Variants in HMCN1 observed in about 807,000 individuals in gnomAD.
The protein encoded by HMCN1 is hemicentin-1.
HMCN1 carries 321 observed loss-of-function variants against 625.9 expected under a neutral mutation model. That is an observed-to-expected ratio of 0.51 (90% CI 0.47 to 0.56). The LOEUF is 0.56. Ranked by LOEUF, HMCN1 falls within the 20% of genes least tolerant of loss-of-function variation. The pLI, the probability that HMCN1 is intolerant of heterozygous loss-of-function variation, is 0.00. For missense variants in HMCN1, 6,588 were observed against 6,887.3 expected (o/e 0.96, Z 1.54); for synonymous variants, 2,425 against 2,417.6 (o/e 1.00, Z -0.09).
At chr1:185,749,557 TCTTA>T (rs1378119860) in intron 1 of HMCN1, among the ~76,000 whole-genome samples, 5 of 152,166 alleles carry the variant, frequency 3.3e-5, no homozygotes, top group Non-Finnish European at 2.9e-5. Flanking sequence ...CACCACATTT[TCTTA>T]CTTATTTGGG....
chr1:185,783,238 C>G (rs1046554722), intron 1 of HMCN1, among the ~76,000 whole-genome samples: 49 of 152,158 alleles, frequency 3.2e-4, no homozygotes, highest in African/African-American at 1.2e-3. Flanking sequence ...ATTCTAGTTA[C>G]CCATTCATCT....
intron 10 of HMCN1, 75 bp from the exon 11 acceptor site, chr1:185,933,474 A>T: frequency 7.0e-7 from 1 of 1,434,662 alleles, no homozygotes; most frequent in Non-Finnish European, 9.8e-7. Context: ...ATACTTATTC[A>T]GTTTTTAAAC....
chr1:186,009,416 G>T (rs769842625), intron 30 of HMCN1, among the ~76,000 whole-genome samples: 3 of 151,966 alleles, frequency 2.0e-5, no homozygotes, highest in Non-Finnish European at 2.9e-5. Flanking sequence ...TTCCTCTTTA[G>T]CAATGCTCGC....
At chr1:185,893,959 T>C (rs1571518287) in intron 4 of HMCN1, among the ~76,000 whole-genome samples, 2 of 152,050 alleles carry the variant, frequency 1.3e-5, no homozygotes, top group South Asian at 4.2e-4. Flanking sequence ...CATTATACTG[T>C]CATCAAAAAA....
At chr1:186,045,927 C>T (rs1210508050) in intron 41 of HMCN1, 64 bp downstream of exon 41, 9 of 1,180,952 alleles carry the variant, frequency 7.6e-6, no homozygotes, top group Non-Finnish European at 8.8e-6. Context: ...TGGTATTACC[C>T]TATTTAGCGT....
chr1:186,122,746 T>C (rs1661453953), intron 80 of HMCN1, among the ~76,000 whole-genome samples: 1 of 152,206 alleles, frequency 6.6e-6, no homozygotes, highest in Non-Finnish European at 1.5e-5. Flanking sequence ...TTAACATTTA[T>C]GGGTTAGCTA....
chr1:186,074,698 CA>C, intron 52 of HMCN1, 42 bp from the exon 53 acceptor site: 1 of 1,584,876 alleles, frequency 6.3e-7, no homozygotes, highest in Non-Finnish European at 8.7e-7. Flanking sequence ...TTAGAGGATT[CA>C]TTATAGCACT....
chr1:186,136,041 T>G (rs1452983850), intron 86 of HMCN1, among the ~76,000 whole-genome samples: 1 of 152,160 alleles, frequency 6.6e-6, no homozygotes, highest in Non-Finnish European at 1.5e-5. Flanking sequence ...CCAGGCGTGG[T>G]GGCGGGTGCC....
chr1:185,806,458 G>T (rs533632184), intron 1 of HMCN1, among the ~76,000 whole-genome samples: 270 of 151,328 alleles, frequency 1.8e-3, no homozygotes, highest in Non-Finnish European at 3.1e-3. Context: ...GAGGTAGGAG[G>T]ATTGCTTGAG....
chr1:185,985,058 A>T (rs1036952475), intron 19 of HMCN1, among the ~76,000 whole-genome samples: 1 of 152,160 alleles, frequency 6.6e-6, no homozygotes, highest in Non-Finnish European at 1.5e-5. Context: ...CTTTATTTAG[A>T]GTGTGAATTG....
Position 186,151,622 on chromosome 1 carries a change from G to C in HMCN1, c.14775G>C (p.Lys4925Asn), listed in dbSNP as rs1049279757. Residue 4925 changes from lysine (K) to asparagine (N), a missense_variant, in exon 95 of 107, where the codon AAG (lysine) becomes AAC (asparagine). This residue lies in a region of HMCN1 where 1,954 missense variants were observed against 2,013.1 expected (regional missense o/e 0.97). Transcript: ENST00000271588. ...TTTCTTTAGGTTCAGCAATGAGAAA[G>C]ATAGTTTCTATTCTAAATCCCATTT... The part of the protein sequence containing the change: ...VPRSLGSAMR[K>N]IVSILNPIYW... The C allele has an allele frequency of 6.2e-7, 1 of 1,612,652 alleles. No individual in the cohort carries two copies. The highest frequency in any genetic ancestry group is 1.3e-5 in the African/African-American group (1 of 74,974).
At chr1:185,750,096 T>C (rs950687878) in intron 1 of HMCN1, among the ~76,000 whole-genome samples, 1 of 152,230 alleles carries the variant, frequency 6.6e-6, no homozygotes, top group Non-Finnish European at 1.5e-5. Context: ...TTAGAGATGA[T>C]GTGAATTCGT....
At chr1:185,936,376 G>T in intron 11 of HMCN1, among the ~76,000 whole-genome samples, 1 of 151,806 alleles carries the variant, frequency 6.6e-6, no homozygotes, top group Non-Finnish European at 1.5e-5. Context: ...AATTTTATAT[G>T]TATTACATAT....
Position 186,128,094 on chromosome 1 carries a change from T to A in HMCN1, c.12707T>A (p.Phe4236Tyr). The stretch of plus-strand genomic sequence containing the variant: ...TAATTTTAGCTGGAGGATTCTGGCT[T>A]CTATACCTGTGTTGCTAACAATGCT... ...LENVVLEDSG[F>Y]YTCVANNAAG... Residue 4236 changes from phenylalanine (F) to tyrosine (Y), a missense_variant, in exon 83 of 107, where the codon TTC becomes TAC. Coordinates refer to ENST00000271588, the MANE Select transcript of HMCN1 (RefSeq NM_031935.3). 1 of 1,613,498 alleles carries A rather than the reference T, an allele frequency of 6.2e-7. No individual in the cohort carries two copies. The highest frequency in any genetic ancestry group is 8.5e-7 in the Non-Finnish European group (1 of 1,179,624).
rs531810579 is a variant in HMCN1, at chr1:185,951,719, A to C, written c.1829-10799A>C. Among the ~76,000 whole-genome samples, 146 of 151,360 alleles carry C rather than the reference A, an allele frequency of 9.6e-4. 2 individuals carry two copies. In the South Asian group the frequency reaches 9.8e-3, roughly 10 times the overall value. Reference sequence around the variant, plus strand: ...GTGGCTTAGGAGGAATCCCGGGCTGAGGGCATTTCTTGGCCCAGTGGCCAG... The same window carrying C: ...GTGGCTTAGGAGGAATCCCGGGCTGCGGGCATTTCTTGGCCCAGTGGCCAG... On this transcript the variant is annotated intron_variant, in intron 11 of 106. Transcript: ENST00000271588.
chr1:186,133,951 CTCA>C (rs1196098426), intron 86 of HMCN1, among the ~76,000 whole-genome samples: 4 of 152,036 alleles, frequency 2.6e-5, no homozygotes, highest in Non-Finnish European at 5.9e-5. Flanking sequence ...TGAATTATGG[CTCA>C]ACAAGGAGAG....
rs758752400 is a variant in HMCN1 at position 186,136,701 on chromosome 1, C to T, written c.13346C>T (p.Thr4449Ile). ...PPIITLEPVETVINAGGKIIL... is the reference protein window; with the variant it reads ...PPIITLEPVEIVINAGGKIIL... The stretch of plus-strand genomic sequence containing the variant: ...ATTATCACTCTTGAGCCAGTGGAAA[C>T]TGTTATTAATGCTGGTGGCAAAATC... The change falls in exon 87 of 107, where the codon ACT (threonine) becomes ATT (isoleucine). Residue 4449 changes from threonine to isoleucine, a missense_variant. This residue lies in a region of HMCN1 where 1,954 missense variants were observed against 2,013.1 expected (regional missense o/e 0.97). Transcript: ENST00000271588. 1.2e-6 allele frequency: 2 copies of T among 1,613,894 alleles called. No individual in the cohort carries two copies. Among genetic ancestry groups the T allele is most frequent in the Admixed American group, 1.7e-5 (1 of 59,992 alleles).
chr1:186,096,196 C>T (rs775917701), intron 68 of HMCN1, among the ~76,000 whole-genome samples: 1 of 152,070 alleles, frequency 6.6e-6, no homozygotes, highest in Non-Finnish European at 1.5e-5. Flanking sequence ...TAGAGAAGAG[C>T]AAAAATACTT....
Position 185,991,406 on chromosome 1 carries a change from A to C in HMCN1, c.3377+963A>C, listed in dbSNP as rs142713748. On this transcript the variant is annotated intron_variant, in intron 22 of 106. Coordinates refer to ENST00000271588, the MANE Select transcript of HMCN1 (RefSeq NM_031935.3). ...TTTTATTGTTCCCTTCCACAGTCGC[A>C]GTTTCTCCTCCCTCTTCCCAGGGGC... Among the ~76,000 whole-genome samples the C allele has an allele frequency of 1.7e-3, 259 of 152,286 alleles. 4 individuals carry two copies. The highest frequency in any genetic ancestry group is 5.7e-3 in the African/African-American group (236 of 41,568).
Sources: allele counts gnomAD v4.1 joint callset (sites outside exome capture counted in the v4.1 genomes callset), GRCh38; gene constraint gnomAD v4.1.1; regional missense constraint gnomAD v4.1.1; transcripts MANE v1.5; gene names NCBI Gene and HGNC (gene_info 2026-07-23, HGNC 2026-07-21).